Variants in MAP3K7 observed in about 807,000 individuals in gnomAD.
MAP3K7 encodes mitogen-activated protein kinase kinase kinase 7.
A neutral mutation model predicts 84.8 loss-of-function variants in MAP3K7; 21 were observed. The ratio of observed to expected loss-of-function variants is 0.25; its 90% CI spans 0.18 to 0.36. The LOEUF (loss-of-function observed/expected upper bound fraction) is 0.36, where lower values mean the gene tolerates loss of function less well. Among genes scored for constraint, MAP3K7 ranks in the 10% least tolerant of loss-of-function variants. The pLI is 1.00. For synonymous variants in MAP3K7, 241 were observed against 247.7 expected, an observed-to-expected ratio of 0.97 and a Z score of 0.25; for missense variants, 503 against 747.7, an observed-to-expected ratio of 0.67 and a Z score of 3.82.
In MAP3K7 at chr6:90,536,321, T is replaced by G; in HGVS notation, c.1356+16A>C. 1 of 1,600,766 alleles carries G rather than the reference T, an allele frequency of 6.2e-7. No homozygotes were observed. The highest frequency in any genetic ancestry group is 8.6e-7 in the Non-Finnish European group (1 of 1,168,480). ...CTAGTATTCTTCAAAGATAGAAAAT[T>G]TGAATGTTGTCTTACCTGACCAGGT... is the stretch of plus-strand genomic sequence containing the variant. On this transcript the variant is annotated intron_variant, in intron 13 of 16. Coordinates refer to ENST00000369329, the MANE Select transcript of MAP3K7 (RefSeq NM_145331.3).
At chr6:90,562,434 C>T (rs1472851691) in intron 3 of MAP3K7, among the ~76,000 whole-genome samples, 2 of 152,214 alleles carry the variant, frequency 1.3e-5, no homozygotes, top group African/African-American at 4.8e-5. Context: ...ATATCCTGCA[C>T]CTGGCTCGGA....
intron 1 of MAP3K7, among the ~76,000 whole-genome samples, chr6:90,583,254 T>A (rs750180283): frequency 4.6e-5 from 7 of 152,216 alleles, no homozygotes; most frequent in Non-Finnish European, 8.8e-5. Context: ...CAGGACCAAC[T>A]ACACTAAAAA....
chr6:90,522,686 A>G (rs1385845248), intron 14 of MAP3K7, among the ~76,000 whole-genome samples: 1 of 152,152 alleles, frequency 6.6e-6, no homozygotes, highest in Non-Finnish European at 1.5e-5. Flanking sequence ...CTGGCTAAAC[A>G]TAGTTCTATC....
rs1031681968 is a variant in MAP3K7 at position 90,561,576 on chromosome 6, A to C, written c.343+46T>G. On this transcript the variant is annotated intron_variant, in intron 4 of 16. Transcript: ENST00000369329. ...CTTAGGGTTTATATTAAAATTTTTC[A>C]AATTATTTTAATCCACTAGATAAAG... is the stretch of plus-strand genomic sequence containing the variant. 2.1e-6 allele frequency: 3 copies of C among 1,434,344 alleles called. No homozygotes were observed. In the African/African-American group the frequency reaches 4.3e-5, roughly 20 times the overall value. The allele number at this position is 1,434,344 out of a possible 1,614,324, so 88.9% of individuals were successfully genotyped here. A position where few individuals can be genotyped will look rare whatever the true frequency, so the allele number is the denominator to read the frequency against.
intron 9 of MAP3K7, 132 bp from the exon 10 acceptor site, chr6:90,548,309 A>C: frequency 2.6e-6 from 2 of 768,964 alleles, no homozygotes; most frequent in Non-Finnish European, 3.9e-6. Context: ...TTTCAAGCTA[A>C]TGAAGATATC....
At position 90,531,798 on chromosome 6, in the gene MAP3K7, A is replaced by G. The variant is rs191428851; in HGVS notation, c.1356+4539T>C. Among the ~76,000 whole-genome samples the G allele has an allele frequency of 1.6e-3, 245 of 152,002 alleles. 5 individuals are homozygous for G. Among genetic ancestry groups the G allele is most frequent in the East Asian group, 0.011 (56 of 5,146 alleles). On this transcript the variant is annotated intron_variant, in intron 13 of 16. Transcript: ENST00000369329. ...TGAAACCCTGCCTCCACTAAAAATA[A>G]AACAAAAATTAGCCAGGTGTGGTGG... is the stretch of plus-strand genomic sequence containing the variant.
chr6:90,550,749 A>T (rs1229360260), intron 8 of MAP3K7, 200 bp from the exon 9 acceptor site: 1 of 415,398 alleles, frequency 2.4e-6, no homozygotes, highest in Non-Finnish European at 4.3e-6. Flanking sequence ...CTTACATTGG[A>T]GTCTAGATAG....
intron 13 of MAP3K7, among the ~76,000 whole-genome samples, chr6:90,531,959 A>G (rs1377755561): frequency 1.3e-5 from 2 of 151,376 alleles, no homozygotes; most frequent in Admixed American, 6.6e-5. Flanking sequence ...TGTCTCGGAA[A>G]AAAAAAAAAA....
chr6:90,527,018 T>C (rs895264769), intron 13 of MAP3K7, among the ~76,000 whole-genome samples: 10 of 152,138 alleles, frequency 6.6e-5, no homozygotes, highest in South Asian at 2.1e-4. Context: ...TTAGCAAATA[T>C]AATGTGGCAG....
At chr6:90,521,281 T>C (rs1306766691) in intron 14 of MAP3K7, among the ~76,000 whole-genome samples, 1 of 151,762 alleles carries the variant, frequency 6.6e-6, no homozygotes, top group Non-Finnish European at 1.5e-5. Context: ...TGTGTGTGTG[T>C]GTGTGTTTCA....
chr6:90,523,631 A>T (rs776257656), intron 14 of MAP3K7, 47 bp downstream of exon 14: 1 of 1,267,610 alleles, frequency 7.9e-7, no homozygotes, highest in Non-Finnish European at 1.2e-6. Flanking sequence ...AATGAATATA[A>T]ACATGACTGA....
intron 14 of MAP3K7, 28 bp downstream of exon 14, chr6:90,523,650 C>T (rs763394490): frequency 6.9e-7 from 1 of 1,452,026 alleles, no homozygotes; most frequent in South Asian, 1.1e-5. Flanking sequence ...GATTCAACTT[C>T]ATAAGTATGA....
At chr6:90,569,075 C>T (rs1019587935) in intron 2 of MAP3K7, among the ~76,000 whole-genome samples, 1 of 152,076 alleles carries the variant, frequency 6.6e-6, no homozygotes, top group African/African-American at 2.4e-5. Flanking sequence ...GCGTGGGGCC[C>T]TAATGTGCAC....
At chr6:90,533,778 C>T (rs542345566) in intron 13 of MAP3K7, among the ~76,000 whole-genome samples, 26 of 152,246 alleles carry the variant, frequency 1.7e-4, no homozygotes, top group Non-Finnish European at 3.5e-4. Flanking sequence ...GACAGCCAGC[C>T]GTTGAGAATA....
intron 5 of MAP3K7, among the ~76,000 whole-genome samples, chr6:90,557,786 G>A (rs532764794): frequency 6.4e-4 from 97 of 152,242 alleles, no homozygotes; most frequent in African/African-American, 2.3e-3. Flanking sequence ...AGGAAATTCA[G>A]GGCTCACTGA....
chr6:90,554,093 G>T (rs771288894), intron 6 of MAP3K7, among the ~76,000 whole-genome samples: 1 of 152,052 alleles, frequency 6.6e-6, no homozygotes. Flanking sequence ...TTTTTGTAGA[G>T]ATGGGGTCTT....
chr6:90,552,378 A>G (rs1385810570), intron 7 of MAP3K7, among the ~76,000 whole-genome samples, 199 bp from the exon 8 acceptor site: 1 of 152,164 alleles, frequency 6.6e-6, no homozygotes, highest in Admixed American at 6.5e-5. Flanking sequence ...CGGACGTTCA[A>G]TTATTTACTG....
At chr6:90,578,503 G>T (rs527513150) in intron 1 of MAP3K7, among the ~76,000 whole-genome samples, 1 of 152,152 alleles carries the variant, frequency 6.6e-6, no homozygotes, top group African/African-American at 2.4e-5. Flanking sequence ...TTGAACTCCT[G>T]AGCTCAGGCG....
chr6:90,571,570 A>G (rs1317763495), intron 2 of MAP3K7, 127 bp downstream of exon 2: 4 of 497,584 alleles, frequency 8.0e-6, no homozygotes, highest in Non-Finnish European at 1.4e-5. Flanking sequence ...ACCTTTGATT[A>G]AACCGAATTG....
Sources: allele counts gnomAD v4.1 joint callset (sites outside exome capture counted in the v4.1 genomes callset), GRCh38; gene constraint gnomAD v4.1.1; transcripts MANE v1.5; gene names NCBI Gene and HGNC (gene_info 2026-07-23, HGNC 2026-07-21).